PCDH15: variants seen among roughly 807,000 people sequenced by gnomAD.
The protein encoded by PCDH15 is protocadherin related 15, also known as protocadherin-15.
A neutral mutation model predicts 178.5 loss-of-function variants in PCDH15; 129 were observed. That is an observed-to-expected ratio of 0.72 (90% CI 0.63 to 0.84). The LOEUF is 0.84. Ranked by LOEUF, PCDH15 falls within the 40% of genes least tolerant of loss-of-function variation. The pLI is 0.00. For synonymous variants in PCDH15, 800 were observed against 732.0 expected, an observed-to-expected ratio of 1.09 and a Z score of -1.50; for missense variants, 2,230 against 2,099.9, an observed-to-expected ratio of 1.06 and a Z score of -1.21.
intron 13 of PCDH15, among the ~76,000 whole-genome samples, chr10:54,162,416 G>T (rs573924391): frequency 5.3e-5 from 8 of 152,278 alleles, no homozygotes; most frequent in African/African-American, 1.7e-4. Flanking sequence ...AATGTAATCA[G>T]CTAATCCAAC....
At chr10:55,259,501 G>A (rs1308011708) in intron 1 of PCDH15, among the ~76,000 whole-genome samples, 2 of 152,174 alleles carry the variant, frequency 1.3e-5, no homozygotes, top group African/African-American at 4.8e-5. Context: ...TGGGAAAATG[G>A]AAGACTTTTG....
At position 55,316,581 on chromosome 10, in the gene PCDH15, A is replaced by G. The variant is rs529454823; in HGVS notation, c.-156+3018T>C. ...TACAACTTTTCCTGAGCCCATTTGT[A>G]GCTTCAGCTTGTATTTGTTTTGGAA... On this transcript the variant is annotated intron_variant, in intron 1 of 5. Coordinates refer to the PCDH15 transcript ENST00000458638. Among the ~76,000 whole-genome samples, 26 of 152,228 alleles carry G rather than the reference A, an allele frequency of 1.7e-4. No homozygotes were observed. The South Asian group carries it at 5.0e-3, about 29-fold the overall frequency.
intron 1 of PCDH15, among the ~76,000 whole-genome samples, chr10:55,203,531 G>C (rs762903929): frequency 1.3e-5 from 2 of 151,950 alleles, no homozygotes; most frequent in Non-Finnish European, 2.9e-5. Context: ...AACAGCAGTG[G>C]GGAATGTTAA....
intron 3 of PCDH15, among the ~76,000 whole-genome samples, chr10:54,430,427 T>C (rs1238916678): frequency 6.6e-6 from 1 of 152,160 alleles, no homozygotes; most frequent in South Asian, 2.1e-4. Flanking sequence ...ACAAAACAAG[T>C]CTTAAAACAT....
chr10:55,374,084 T>TATAATA (rs71461295), intron 2 of PCDH15, among the ~76,000 whole-genome samples: 12,303 of 143,838 alleles, frequency 0.086, 582 homozygotes, highest in African/African-American at 0.11. Flanking sequence ...GAACTTAAAG[T>TATAATA]ATAATAATAA....
intron 2 of PCDH15, among the ~76,000 whole-genome samples, chr10:55,363,562 T>C (rs972304807): frequency 6.6e-6 from 1 of 152,166 alleles, no homozygotes; most frequent in African/African-American, 2.4e-5. Flanking sequence ...ATATCATCAT[T>C]AGCTATAGTT....
chr10:54,330,280 C>A (rs1591828144), intron 6 of PCDH15, among the ~76,000 whole-genome samples: 1 of 150,738 alleles, frequency 6.6e-6, no homozygotes, highest in African/African-American at 2.4e-5. Flanking sequence ...GATTCACAAA[C>A]CTAAAATGGT....
intron 10 of PCDH15, among the ~76,000 whole-genome samples, chr10:54,212,223 G>A (rs1204236062): frequency 6.6e-6 from 1 of 152,132 alleles, no homozygotes; most frequent in Non-Finnish European, 1.5e-5. Context: ...ACACATTGTG[G>A]AGTTTTATAT....
intron 2 of PCDH15, among the ~76,000 whole-genome samples, chr10:55,004,232 C>A (rs1839869106): frequency 6.6e-6 from 1 of 151,766 alleles, no homozygotes. Flanking sequence ...CAGTGGCCAC[C>A]CCTAGTATGA....
chr10:54,374,811 C>T (rs549010751), intron 4 of PCDH15, among the ~76,000 whole-genome samples: 74 of 152,050 alleles, frequency 4.9e-4, no homozygotes, highest in African/African-American at 1.6e-3. Context: ...CATGTAAATG[C>T]TTTCTAATTA....
chr10:55,354,985 T>G (rs915233442), intron 2 of PCDH15, among the ~76,000 whole-genome samples: 10 of 152,050 alleles, frequency 6.6e-5, no homozygotes, highest in Admixed American at 5.3e-4. Flanking sequence ...ATAATGTCAT[T>G]TAAATGTAAT....
At chr10:54,924,947 A>G (rs758906375) in intron 2 of PCDH15, among the ~76,000 whole-genome samples, 20 of 152,142 alleles carry the variant, frequency 1.3e-4, no homozygotes, top group Non-Finnish European at 1.3e-4. Context: ...TATCTAGTCT[A>G]CTAAGATTGC....
At chr10:54,959,779 T>C (rs1480071760) in intron 2 of PCDH15, among the ~76,000 whole-genome samples, 2 of 152,084 alleles carry the variant, frequency 1.3e-5, no homozygotes, top group African/African-American at 4.8e-5. Context: ...AAAATTATTC[T>C]GTAGGAAAAA....
intron 1 of PCDH15, among the ~76,000 whole-genome samples, chr10:55,215,398 G>A (rs1318551591): frequency 2.0e-5 from 3 of 152,026 alleles, no homozygotes; most frequent in African/African-American, 4.8e-5. Context: ...TATTCTGCAT[G>A]TGAGCACATA....
rs151181192 is a variant in PCDH15 at position 55,344,980 on chromosome 10, G to A, written c.-155-178329C>T. ...TATCGACCCTCTTTATCTTCCTTTT[G>A]AAGGATTTTGCATAAATGTTTTCTG... On this transcript the variant is annotated intron_variant, in intron 2 of 5. Coordinates refer to the PCDH15 transcript ENST00000613346. Among the ~76,000 whole-genome samples the A allele has an allele frequency of 4.4e-3, 672 of 152,002 alleles. 9 individuals carry two copies. The highest frequency in any genetic ancestry group is 0.015 in the African/African-American group (631 of 41,474).
chr10:55,272,626 G>A (rs1399518198), intron 1 of PCDH15, among the ~76,000 whole-genome samples: 1 of 151,712 alleles, frequency 6.6e-6, no homozygotes, highest in Non-Finnish European at 1.5e-5. Context: ...CAAGTAATCT[G>A]CCCGCCCACC....
At chr10:55,139,427 A>C (rs1049588886) in intron 2 of PCDH15, among the ~76,000 whole-genome samples, 1 of 152,056 alleles carries the variant, frequency 6.6e-6, no homozygotes, top group African/African-American at 2.4e-5. Context: ...TTTTAGATAT[A>C]AGTCCATGCT....
At chr10:54,409,995 T>C (rs1234027867) in intron 3 of PCDH15, among the ~76,000 whole-genome samples, 1 of 152,172 alleles carries the variant, frequency 6.6e-6, no homozygotes, top group East Asian at 1.9e-4. Flanking sequence ...CAGTCCACAG[T>C]ATTCTGTTAC....
chr10:54,398,303 AATG>A (rs1162143772), intron 3 of PCDH15, among the ~76,000 whole-genome samples: 1 of 151,968 alleles, frequency 6.6e-6, no homozygotes, highest in Non-Finnish European at 1.5e-5. Context: ...ATATTATCCT[AATG>A]ATGTTGTTAT....
Sources: allele counts gnomAD v4.1 joint callset (sites outside exome capture counted in the v4.1 genomes callset), GRCh38; gene constraint gnomAD v4.1.1; transcripts MANE v1.5; gene names NCBI Gene and HGNC (gene_info 2026-07-23, HGNC 2026-07-21).